The following LUZP2 variants were observed in gnomAD, a reference collection of about 807,000 sequenced individuals.
LUZP2 encodes the protein leucine zipper protein 2.
Under a neutral mutation model 51.6 loss-of-function variants are expected in LUZP2, and 52 were observed. The ratio of observed to expected loss-of-function variants is 1.01; its 90% CI spans 0.81 to 1.27. LUZP2 has a LOEUF of 1.27. Ranked by LOEUF, LUZP2 falls within the 50% of genes most tolerant of loss-of-function variation. LUZP2 has a pLI of 0.00. For missense variants in LUZP2, 436 were observed against 395.4 expected, an observed-to-expected ratio of 1.10 and a Z score of -0.87; for synonymous variants, 154 against 137.3, an observed-to-expected ratio of 1.12 and a Z score of -0.85.
intron 1 of LUZP2, among the ~76,000 whole-genome samples, chr11:24,583,517 A>G (rs1322009895): frequency 6.6e-6 from 1 of 152,096 alleles, no homozygotes; most frequent in Non-Finnish European, 1.5e-5. Flanking sequence ...ATAACTTTTA[A>G]TATTCCAAAT....
At chr11:24,897,578 G>A (rs1487326190) in intron 5 of LUZP2, among the ~76,000 whole-genome samples, 4 of 152,108 alleles carry the variant, frequency 2.6e-5, no homozygotes, top group Non-Finnish European at 5.9e-5. Flanking sequence ...AAGCCAGGGA[G>A]ACCAGGAACC....
intron 4 of LUZP2, among the ~76,000 whole-genome samples, chr11:24,751,285 AT>A (rs751579314): frequency 5.3e-5 from 8 of 152,178 alleles, no homozygotes; most frequent in Non-Finnish European, 1.0e-4. Context: ...GGAAAGAAAG[AT>A]GACTCACAGA....
At chr11:25,032,298 A>G (rs1038951225) in intron 9 of LUZP2, among the ~76,000 whole-genome samples, 9 of 152,194 alleles carry the variant, frequency 5.9e-5, no homozygotes, top group South Asian at 2.1e-4. Flanking sequence ...CAGTTGTGTT[A>G]TAAGTTGTTG....
At chr11:25,035,616 A>G (rs1857832508) in intron 9 of LUZP2, among the ~76,000 whole-genome samples, 1 of 152,132 alleles carries the variant, frequency 6.6e-6, no homozygotes, top group Non-Finnish European at 1.5e-5. Flanking sequence ...TATGCCCAAA[A>G]CAATGTACAG....
intron 1 of LUZP2, among the ~76,000 whole-genome samples, chr11:24,575,709 G>A (rs896366670): frequency 6.6e-6 from 1 of 152,018 alleles, no homozygotes; most frequent in Non-Finnish European, 1.5e-5. Flanking sequence ...AAAACATCAC[G>A]TAGTTTTTTA....
At chr11:25,044,074 C>A (rs1269207206) in intron 9 of LUZP2, among the ~76,000 whole-genome samples, 2 of 3,108 alleles carry the variant, frequency 6.4e-4, no homozygotes, top group African/African-American at 1.9e-3. Flanking sequence ...CTATATATAT[C>A]TGATAAGACT....
intron 10 of LUZP2, among the ~76,000 whole-genome samples, chr11:25,050,410 T>G (rs565560913): frequency 7.0e-6 from 1 of 142,684 alleles, no homozygotes; most frequent in Non-Finnish European, 1.5e-5. Flanking sequence ...GTTCACGCCA[T>G]TCTCCTGCCT....
At chr11:24,786,797 G>A (rs1430648737) in intron 5 of LUZP2, 4 of 150,898 alleles carry the variant, frequency 2.7e-5, no homozygotes, top group Non-Finnish European at 4.4e-5. Context: ...TCTTTATGCA[G>A]GAATGAATTA....
chr11:24,499,929 T>C (rs1849941987), intron 1 of LUZP2, among the ~76,000 whole-genome samples: 1 of 152,226 alleles, frequency 6.6e-6, no homozygotes. Flanking sequence ...GACTGTGTTG[T>C]GAACAGGTCT....
intron 1 of LUZP2, among the ~76,000 whole-genome samples, chr11:24,610,420 G>T (rs1854080983): frequency 6.6e-6 from 1 of 152,176 alleles, no homozygotes; most frequent in Non-Finnish European, 1.5e-5. Context: ...GTTTAACAAA[G>T]ACATTTTCCG....
intron 4 of LUZP2, among the ~76,000 whole-genome samples, chr11:24,740,257 A>G (rs940094509): frequency 1.3e-5 from 2 of 152,186 alleles, no homozygotes; most frequent in South Asian, 4.1e-4. Flanking sequence ...TAATTATTCC[A>G]GTAGATTATG....
rs748442331 is a variant in LUZP2 at position 25,079,021 on chromosome 11, G to T, written c.*363G>T. 2.2e-4 allele frequency: 37 copies of T among 170,352 alleles called. No homozygotes were observed. Among genetic ancestry groups the T allele is most frequent in the Non-Finnish European group, 3.2e-4 (26 of 80,846 alleles). 10.6% of individuals were successfully genotyped at this position (170,352 alleles called of 1,614,324 possible). ...ACTGGAGGATAATAAAATATTGTGG[G>T]TTCTCAGCATTCTTAGAATCCAAAT... On this transcript the variant is annotated 3_prime_UTR_variant, in exon 12 of 12. Coordinates refer to ENST00000336930, the MANE Select transcript of LUZP2 (RefSeq NM_001009909.4).
chr11:24,508,120 G>A (rs957803141), intron 1 of LUZP2, among the ~76,000 whole-genome samples: 8 of 152,062 alleles, frequency 5.3e-5, no homozygotes, highest in African/African-American at 1.9e-4. Flanking sequence ...TAAGGCACAT[G>A]AGATTAGATT....
At chr11:25,060,998 G>A (rs1347073524) in intron 10 of LUZP2, among the ~76,000 whole-genome samples, 1 of 152,068 alleles carries the variant, frequency 6.6e-6, no homozygotes, top group Non-Finnish European at 1.5e-5. Context: ...TTTAACATTG[G>A]CAATTTCATT....
intron 4 of LUZP2, among the ~76,000 whole-genome samples, chr11:24,758,098 CTA>C (rs1859840519): frequency 6.6e-6 from 1 of 151,954 alleles, no homozygotes; most frequent in African/African-American, 2.4e-5. Flanking sequence ...AACAATATGA[CTA>C]AATAAACTTA....
intron 5 of LUZP2, among the ~76,000 whole-genome samples, chr11:24,764,357 C>A (rs749817558): frequency 1.3e-4 from 20 of 151,558 alleles, no homozygotes; most frequent in Non-Finnish European, 2.5e-4. Flanking sequence ...GGAGGAAGTT[C>A]TTTCAAAAAA....
intron 1 of LUZP2, among the ~76,000 whole-genome samples, chr11:24,607,309 T>A (rs564896541): frequency 6.6e-6 from 1 of 151,124 alleles, no homozygotes; most frequent in African/African-American, 2.4e-5. Flanking sequence ...TTCAGATGAT[T>A]TTGTGTGTGG....
chr11:25,071,073 A>G (rs1193503488), intron 10 of LUZP2, among the ~76,000 whole-genome samples: 1 of 151,728 alleles, frequency 6.6e-6, no homozygotes, highest in Admixed American at 6.6e-5. Flanking sequence ...TTTCAGCACA[A>G]TTAACAATGA....
intron 7 of LUZP2, among the ~76,000 whole-genome samples, chr11:24,962,511 C>G (rs1855444547): frequency 6.6e-6 from 1 of 152,100 alleles, no homozygotes; most frequent in African/African-American, 2.4e-5. Flanking sequence ...TCACTTCATT[C>G]ATTTCATCTT....
Sources: allele counts gnomAD v4.1 joint callset (sites outside exome capture counted in the v4.1 genomes callset), GRCh38; gene constraint gnomAD v4.1.1; transcripts MANE v1.5; gene names NCBI Gene and HGNC (gene_info 2026-07-23, HGNC 2026-07-21).